GRID2: variants seen among roughly 807,000 people sequenced by gnomAD.
The protein encoded by GRID2 is glutamate ionotropic receptor delta type subunit 2.
Under a neutral mutation model 114.8 loss-of-function variants are expected in GRID2, and 33 were observed. The ratio of observed to expected loss-of-function variants is 0.29; its 90% CI spans 0.22 to 0.38. The LOEUF is 0.38. Among genes scored for constraint, GRID2 ranks in the 10% least tolerant of loss-of-function variants. The probability of loss-of-function intolerance (pLI) is 1.00; values close to 1 mark genes in which losing one functional copy is unlikely to be tolerated. For synonymous variants in GRID2, 505 were observed against 449.9 expected, an observed-to-expected ratio of 1.12 and a Z score of -1.55; for missense variants, 1,184 against 1,257.7, an observed-to-expected ratio of 0.94 and a Z score of 0.89.
intron 2 of GRID2, among the ~76,000 whole-genome samples, chr4:92,658,793 G>GTATATATATATA (rs201480396): frequency 2.3e-5 from 3 of 132,362 alleles, no homozygotes; most frequent in Non-Finnish European, 3.2e-5. Flanking sequence ...GTGTGTGTGT[G>GTATATATATATA]TATATATATA....
chr4:92,922,288 G>A (rs189199755), intron 2 of GRID2, among the ~76,000 whole-genome samples: 62 of 152,216 alleles, frequency 4.1e-4, no homozygotes, highest in Non-Finnish European at 6.2e-4. Flanking sequence ...GACCCCTTGC[G>A]CTTCCCTGGT....
intron 10 of GRID2, among the ~76,000 whole-genome samples, chr4:93,441,007 G>A (rs1389205952): frequency 2.6e-5 from 4 of 151,980 alleles, no homozygotes; most frequent in East Asian, 1.9e-4. Flanking sequence ...TTATAGACAA[G>A]GACAAACAAA....
At chr4:93,316,458 T>C (rs753784885) in intron 8 of GRID2, among the ~76,000 whole-genome samples, 1 of 152,014 alleles carries the variant, frequency 6.6e-6, no homozygotes, top group South Asian at 2.1e-4. Context: ...GTCATCAGTG[T>C]ATTAGGAAAT....
intron 14 of GRID2, among the ~76,000 whole-genome samples, chr4:93,734,007 C>A (rs556246396): frequency 7.3e-4 from 111 of 152,126 alleles, no homozygotes; most frequent in Non-Finnish European, 1.4e-3. Flanking sequence ...GTCCTTTAAT[C>A]ATGGTGGATA....
intron 8 of GRID2, among the ~76,000 whole-genome samples, chr4:93,326,362 C>T (rs1045064671): frequency 2.0e-5 from 3 of 152,264 alleles, no homozygotes; most frequent in African/African-American, 7.2e-5. Context: ...ACATGGACTG[C>T]AGTTGCTGCA....
intron 14 of GRID2, among the ~76,000 whole-genome samples, chr4:93,631,747 G>A (rs1223512730): frequency 1.3e-5 from 2 of 152,090 alleles, no homozygotes; most frequent in Non-Finnish European, 2.9e-5. Context: ...GGGATTGCTG[G>A]GTCAAATGGT....
intron 1 of GRID2, among the ~76,000 whole-genome samples, chr4:92,384,920 G>C (rs1729867165): frequency 6.6e-6 from 1 of 150,800 alleles, no homozygotes; most frequent in Non-Finnish European, 1.5e-5. Flanking sequence ...GAATGTTTAT[G>C]GAGCTGAATC....
rs546277999 is a variant in GRID2 at position 93,461,759 on chromosome 4, C to T, written c.1858+5785C>T. On this transcript the variant is annotated intron_variant, in intron 11 of 15. Transcript: ENST00000282020. ...CTTGTGAATTAGGTTGTAAAATGCA[C>T]GAATGAGAGACCAATTTTATACAAC... Among the ~76,000 whole-genome samples, 26 of 152,234 alleles carry T rather than the reference C, an allele frequency of 1.7e-4. 1 individual carries two copies. In the South Asian group the frequency reaches 3.9e-3, roughly 23 times the overall value.
chr4:92,787,808 G>A (rs1008290053), intron 2 of GRID2, among the ~76,000 whole-genome samples: 3 of 151,834 alleles, frequency 2.0e-5, no homozygotes, highest in African/African-American at 7.2e-5. Context: ...AAGAGATGGT[G>A]CTGCCTCCTA....
intron 14 of GRID2, among the ~76,000 whole-genome samples, chr4:93,666,454 G>A (rs1723955433): frequency 6.6e-6 from 1 of 151,950 alleles, no homozygotes; most frequent in African/African-American, 2.4e-5. Flanking sequence ...AGGAAGATGG[G>A]GTTTGGCATG....
chr4:93,478,217 T>G (rs1486397101), intron 11 of GRID2, among the ~76,000 whole-genome samples: 1 of 152,134 alleles, frequency 6.6e-6, no homozygotes, highest in Non-Finnish European at 1.5e-5. Context: ...AAATTCAATT[T>G]AGTTCTAATA....
intron 11 of GRID2, among the ~76,000 whole-genome samples, chr4:93,468,836 G>A (rs1724533809): frequency 6.6e-6 from 1 of 151,924 alleles, no homozygotes; most frequent in Non-Finnish European, 1.5e-5. Flanking sequence ...TTCCACATCT[G>A]GCATATTTGA....
intron 2 of GRID2, among the ~76,000 whole-genome samples, chr4:92,928,375 A>T (rs539000766): frequency 1.3e-5 from 2 of 151,708 alleles, no homozygotes; most frequent in Non-Finnish European, 3.0e-5. Flanking sequence ...GTAGATATGT[A>T]GAGAATGTAG....
At chr4:93,765,605 G>A (rs1362812629) in intron 14 of GRID2, among the ~76,000 whole-genome samples, 7 of 69,474 alleles carry the variant, frequency 1.0e-4, no homozygotes, top group African/African-American at 4.6e-4. Context: ...AATAGGTGAG[G>A]TATTATATAT....
At chr4:93,317,130 A>AT (rs979424061) in intron 8 of GRID2, among the ~76,000 whole-genome samples, 3 of 151,872 alleles carry the variant, frequency 2.0e-5, no homozygotes, top group Non-Finnish European at 2.9e-5. Context: ...ATCTGAGGTG[A>AT]TTTTTTTCTT....
At chr4:93,045,106 G>A (rs574333291) in intron 2 of GRID2, among the ~76,000 whole-genome samples, 1 of 152,058 alleles carries the variant, frequency 6.6e-6, no homozygotes, top group Non-Finnish European at 1.5e-5. Flanking sequence ...CTGCTCATAA[G>A]GCACTATACG....
At chr4:92,480,940 T>A (rs747679435) in intron 1 of GRID2, among the ~76,000 whole-genome samples, 4 of 152,138 alleles carry the variant, frequency 2.6e-5, no homozygotes, top group African/African-American at 4.8e-5. Context: ...ACTCTCTTGT[T>A]CAGCTTTTAA....
chr4:92,962,780 T>C (rs1238499203), intron 2 of GRID2, among the ~76,000 whole-genome samples: 1 of 151,956 alleles, frequency 6.6e-6, no homozygotes, highest in African/African-American at 2.4e-5. Context: ...ACTCTCAGAA[T>C]TTTCCACACT....
chr4:93,348,301 C>G (rs1040833435), intron 8 of GRID2, among the ~76,000 whole-genome samples: 1 of 152,120 alleles, frequency 6.6e-6, no homozygotes, highest in Non-Finnish European at 1.5e-5. Flanking sequence ...CTGTTTAATT[C>G]TATTCTATAT....
Sources: allele counts gnomAD v4.1 joint callset (sites outside exome capture counted in the v4.1 genomes callset), GRCh38; gene constraint gnomAD v4.1.1; transcripts MANE v1.5; gene names NCBI Gene and HGNC (gene_info 2026-07-23, HGNC 2026-07-21).